Variants in NEGR1 observed in about 807,000 individuals in gnomAD.
NEGR1 encodes IgLON family member 4.
Under a neutral mutation model 40.9 loss-of-function variants are expected in NEGR1, and 10 were observed. The observed-to-expected ratio is 0.24, with a 90% CI of 0.15 to 0.42. The LOEUF (loss-of-function observed/expected upper bound fraction) is 0.42, where lower values mean the gene tolerates loss of function less well. NEGR1 is among the 10% of genes least tolerant of loss of function. NEGR1 has a pLI of 1.00. For missense variants in NEGR1, 352 were observed against 438.9 expected (o/e 0.80, Z 1.77); for synonymous variants, 185 against 166.8 (o/e 1.11, Z -0.84).
In NEGR1 at chr1:71,711,291, G is replaced by A. The variant is rs539533546; in HGVS notation, c.536-13152C>T. ...ACCCGGGGGGCGGAGCTTGCAGTGA[G>A]TGGAGATGCGCCACTGCACTCCAGC... is the stretch of plus-strand genomic sequence containing the variant. On this transcript the variant is annotated intron_variant, in intron 3 of 6. Transcript: ENST00000357731. Among the ~76,000 whole-genome samples the A allele has an allele frequency of 2.8e-5, 4 of 144,272 alleles. No individual in the cohort carries two copies. The South Asian group carries it at 6.5e-4, about 24-fold the overall frequency. 94.6% of individuals were successfully genotyped at this position (144,272 alleles called of 152,430 possible).
chr1:72,038,673 A>G (rs1646926074), intron 1 of NEGR1, among the ~76,000 whole-genome samples: 1 of 152,022 alleles, frequency 6.6e-6, no homozygotes, highest in African/African-American at 2.4e-5. Flanking sequence ...CAGTGATGGT[A>G]GTTGAAGCTA....
intron 1 of NEGR1, among the ~76,000 whole-genome samples, chr1:72,104,509 T>C (rs1429536712): frequency 1.3e-5 from 2 of 152,126 alleles, no homozygotes. Flanking sequence ...TGAAGGAATA[T>C]GGTCCTTTGA....
intron 1 of NEGR1, among the ~76,000 whole-genome samples, chr1:72,210,427 G>C (rs1018881361): frequency 1.4e-4 from 21 of 151,800 alleles, no homozygotes; most frequent in African/African-American, 5.1e-4. Context: ...TAAAACACTT[G>C]GGTGATTGAA....
intron 2 of NEGR1, among the ~76,000 whole-genome samples, chr1:71,881,605 T>C (rs1466551647): frequency 6.6e-6 from 1 of 152,086 alleles, no homozygotes; most frequent in African/African-American, 2.4e-5. Flanking sequence ...ATTTGCTCAA[T>C]TTGTTTTCAT....
Position 71,625,626 on chromosome 1 carries a change from T to C in NEGR1, c.668-14480A>G, listed in dbSNP as rs898447635. ...CCAATACTCCATGGATACTGAGGGA[T>C]GAATGAATATATGTGTTTAGTTGAT... On this transcript the variant is annotated intron_variant, in intron 4 of 6. Coordinates refer to ENST00000357731, the MANE Select transcript of NEGR1 (RefSeq NM_173808.3). Among the ~76,000 whole-genome samples the C allele has an allele frequency of 3.3e-5, 5 of 151,752 alleles. No homozygotes were observed. In the East Asian group the frequency reaches 9.8e-4, roughly 30 times the overall value.
intron 1 of NEGR1, among the ~76,000 whole-genome samples, chr1:72,020,444 G>A (rs1439712151): frequency 6.6e-6 from 1 of 152,126 alleles, no homozygotes; most frequent in East Asian, 1.9e-4. Flanking sequence ...TGAAAAAGGA[G>A]TAGTGGGAAT....
intron 2 of NEGR1, among the ~76,000 whole-genome samples, chr1:71,907,805 T>C (rs1446634738): frequency 6.6e-6 from 1 of 152,078 alleles, no homozygotes; most frequent in Non-Finnish European, 1.5e-5. Context: ...ACACCCCCCA[T>C]GGAATACTAT....
chr1:71,690,940 T>G (rs977729127), intron 4 of NEGR1, among the ~76,000 whole-genome samples: 7 of 151,982 alleles, frequency 4.6e-5, no homozygotes, highest in African/African-American at 1.7e-4. Flanking sequence ...TGTTTTATTT[T>G]TCACTTTTAG....
chr1:71,551,270 C>T (rs181760127), intron 6 of NEGR1, among the ~76,000 whole-genome samples: 38 of 151,564 alleles, frequency 2.5e-4, no homozygotes, highest in Admixed American at 9.2e-4. Context: ...TTTTGGGGTA[C>T]GTACTTTCAA....
chr1:71,840,806 A>C (rs1295230056), intron 2 of NEGR1, among the ~76,000 whole-genome samples: 1 of 152,182 alleles, frequency 6.6e-6, no homozygotes, highest in Non-Finnish European at 1.5e-5. Context: ...TTTTGAAATG[A>C]AATTAACATT....
intron 1 of NEGR1, among the ~76,000 whole-genome samples, chr1:72,200,330 G>T (rs948813313): frequency 6.6e-6 from 1 of 151,902 alleles, no homozygotes; most frequent in African/African-American, 2.4e-5. Context: ...GAAATACTAT[G>T]TAGCCATAAA....
chr1:72,123,407 C>A (rs1215367586), intron 1 of NEGR1, among the ~76,000 whole-genome samples: 3 of 151,422 alleles, frequency 2.0e-5, no homozygotes, highest in African/African-American at 7.3e-5. Flanking sequence ...TTGTTTAAAA[C>A]CGTATAACTA....
At chr1:71,432,745 C>A (rs2101297597) in intron 6 of NEGR1, among the ~76,000 whole-genome samples, 1 of 152,278 alleles carries the variant, frequency 6.6e-6, no homozygotes, top group South Asian at 2.1e-4. Flanking sequence ...TCCAGGCAAT[C>A]AATTATTGCC....
At chr1:71,853,911 A>T (rs924087273) in intron 2 of NEGR1, among the ~76,000 whole-genome samples, 6 of 152,160 alleles carry the variant, frequency 3.9e-5, no homozygotes, top group African/African-American at 1.4e-4. Context: ...AAATGGATCA[A>T]TTATGAAATG....
chr1:71,606,700 G>A (rs1348595393), intron 5 of NEGR1, among the ~76,000 whole-genome samples: 1 of 151,584 alleles, frequency 6.6e-6, no homozygotes, highest in Non-Finnish European at 1.5e-5. Context: ...TTTCACAGAG[G>A]TCTGAACAGT....
chr1:71,499,566 C>T (rs1345877662), intron 6 of NEGR1, among the ~76,000 whole-genome samples: 1 of 149,946 alleles, frequency 6.7e-6, no homozygotes, highest in Non-Finnish European at 1.5e-5. Context: ...ATTATAGGCA[C>T]TCAAAATGTG....
At chr1:71,998,109 T>A (rs532353770) in intron 1 of NEGR1, among the ~76,000 whole-genome samples, 14 of 152,076 alleles carry the variant, frequency 9.2e-5, no homozygotes, top group African/African-American at 3.4e-4. Flanking sequence ...ACGTAAAGGA[T>A]AAACACTAGG....
chr1:72,124,764 A>G (rs1488190717), intron 1 of NEGR1, among the ~76,000 whole-genome samples: 4 of 152,208 alleles, frequency 2.6e-5, no homozygotes, highest in African/African-American at 9.6e-5. Flanking sequence ...TTTATAGAAG[A>G]ATTGCTAATA....
chr1:71,923,452 A>G (rs2101885083), intron 2 of NEGR1, among the ~76,000 whole-genome samples: 1 of 152,246 alleles, frequency 6.6e-6, no homozygotes, highest in Middle Eastern at 3.4e-3. Context: ...CTTATTCTAG[A>G]TGGATATAAA....
Sources: gnomAD v4.1 joint callset for allele counts (sites outside exome capture counted in the v4.1 genomes callset) on GRCh38, gnomAD v4.1.1 for gene constraint, MANE v1.5 for transcripts, NCBI Gene and HGNC (gene_info 2026-07-23, HGNC 2026-07-21) for gene names.